The following KAZN variants were observed in gnomAD, a reference collection of about 807,000 sequenced individuals.
KAZN encodes kazrin, periplakin interacting protein, also known as kazrin.
Under a neutral mutation model 87.4 loss-of-function variants are expected in KAZN, and 40 were observed. That is an observed-to-expected ratio of 0.46 (90% CI 0.36 to 0.60). The LOEUF is 0.60. KAZN is among the 20% of genes least tolerant of loss of function. KAZN has a pLI of 0.00. For synonymous variants in KAZN, 466 were observed against 458.3 expected (o/e 1.02, Z -0.22); for missense variants, 898 against 1,073.9 (o/e 0.84, Z 2.29).
At chr1:14,215,472 CTG>C (rs749168287) in intron 2 of KAZN, among the ~76,000 whole-genome samples, 1 of 152,190 alleles carries the variant, frequency 6.6e-6, no homozygotes, top group Non-Finnish European at 1.5e-5. Context: ...ATCCTAACAA[CTG>C]GGGATTCAAA....
chr1:14,946,282 C>T (rs577330476), intron 1 of KAZN: 7 of 151,398 alleles, frequency 4.6e-5, no homozygotes, highest in African/African-American at 1.7e-4. Flanking sequence ...TTGCCATTTG[C>T]TCAGACCCCA....
chr1:14,684,684 G>C (rs1316774103), intron 1 of KAZN, among the ~76,000 whole-genome samples: 2 of 152,090 alleles, frequency 1.3e-5, no homozygotes, highest in African/African-American at 4.8e-5. Flanking sequence ...TATCTTCAAA[G>C]CCAACAGTGT....
chr1:14,775,705 A>C (rs1267037713), intron 1 of KAZN, among the ~76,000 whole-genome samples: 3 of 152,248 alleles, frequency 2.0e-5, no homozygotes, highest in African/African-American at 7.2e-5. Flanking sequence ...CTACCGATTT[A>C]GCCTTAGGCT....
intron 2 of KAZN, among the ~76,000 whole-genome samples, chr1:14,431,973 C>T (rs564790595): frequency 3.3e-5 from 5 of 152,254 alleles, no homozygotes; most frequent in African/African-American, 1.2e-4. Context: ...TCATATGTAC[C>T]TGTGTCCTGT....
chr1:14,485,045 G>A (rs1669275296), intron 2 of KAZN, among the ~76,000 whole-genome samples: 2 of 152,148 alleles, frequency 1.3e-5, no homozygotes, highest in Non-Finnish European at 2.9e-5. Context: ...TTTAGATTCA[G>A]GGGAAAATGA....
intron 1 of KAZN, among the ~76,000 whole-genome samples, chr1:14,662,889 ATAT>A (rs1255733008): frequency 2.7e-5 from 4 of 147,670 alleles, no homozygotes; most frequent in African/African-American, 9.9e-5. Context: ...ATATATGTAT[ATAT>A]TATATATGTA....
At chr1:14,924,582 C>T in intron 1 of KAZN, 1 of 1,006,606 alleles carries the variant, frequency 9.9e-7, no homozygotes, top group Non-Finnish European at 1.2e-6. Context: ...GGTAGGTGCG[C>T]GCGGGGCGGG....
chr1:14,395,253 T>G (rs1662798098), intron 2 of KAZN, among the ~76,000 whole-genome samples: 1 of 152,170 alleles, frequency 6.6e-6, no homozygotes, highest in Non-Finnish European at 1.5e-5. Context: ...TCACCTCGAA[T>G]GAAACAAGAA....
intron 1 of KAZN, among the ~76,000 whole-genome samples, chr1:14,012,445 G>A (rs994455027): frequency 6.6e-6 from 1 of 152,132 alleles, no homozygotes; most frequent in Non-Finnish European, 1.5e-5. Context: ...ATGAAAATGG[G>A]CTGAAAAAAT....
chr1:14,026,886 A>G (rs977128980), intron 1 of KAZN, among the ~76,000 whole-genome samples: 2 of 152,174 alleles, frequency 1.3e-5, no homozygotes, highest in African/African-American at 4.8e-5. Flanking sequence ...GTGGGGGATC[A>G]TGGAGGAACA....
chr1:14,654,005 G>A (rs1309362155), intron 1 of KAZN, among the ~76,000 whole-genome samples: 2 of 152,262 alleles, frequency 1.3e-5, no homozygotes, highest in Non-Finnish European at 2.9e-5. Context: ...ATATCTCCAG[G>A]CCAGGCACGA....
At chr1:14,641,774 C>T (rs1030501286) in intron 1 of KAZN, among the ~76,000 whole-genome samples, 2 of 152,162 alleles carry the variant, frequency 1.3e-5, no homozygotes, top group Admixed American at 6.5e-5. Context: ...CACTTGGACA[C>T]GACACCAAAA....
chr1:14,946,487 G>A (rs1041129501), intron 1 of KAZN, among the ~76,000 whole-genome samples: 4 of 151,978 alleles, frequency 2.6e-5, no homozygotes, highest in African/African-American at 4.8e-5. Flanking sequence ...ACAGGCGCCT[G>A]CCACCACGCT....
intron 1 of KAZN, among the ~76,000 whole-genome samples, chr1:14,887,043 G>A (rs573857842): frequency 6.6e-5 from 10 of 152,252 alleles, no homozygotes; most frequent in Middle Eastern, 3.4e-3. Context: ...GTGTGGTTGT[G>A]AGGATTAAAT....
At chr1:14,363,297 C>G (rs1034482914) in intron 2 of KAZN, among the ~76,000 whole-genome samples, 1 of 152,128 alleles carries the variant, frequency 6.6e-6, no homozygotes, top group East Asian at 1.9e-4. Flanking sequence ...TAAACATCTC[C>G]GTCTCCCACC....
intron 1 of KAZN, among the ~76,000 whole-genome samples, chr1:14,609,146 T>G (rs1677609022): frequency 6.6e-6 from 1 of 152,230 alleles, no homozygotes; most frequent in East Asian, 1.9e-4. Context: ...TCAACTGGAT[T>G]GCTTTTCCTA....
At chr1:14,543,709 G>A (rs183755572) in intron 2 of KAZN, among the ~76,000 whole-genome samples, 2 of 152,158 alleles carry the variant, frequency 1.3e-5, no homozygotes, top group East Asian at 3.9e-4. Flanking sequence ...ATCCTAATGT[G>A]AGAACCATCC....
In KAZN at chr1:14,043,962, T is replaced by G. The variant is rs541583565; in HGVS notation, c.92-136473T>G. 2.6e-4 allele frequency among the ~76,000 whole-genome samples: 39 copies of G among 152,282 alleles called. No individual in the cohort carries two copies. The South Asian group carries it at 7.9e-3, about 31-fold the overall frequency. On this transcript the variant is annotated intron_variant, in intron 1 of 16. Coordinates refer to the KAZN transcript ENST00000636203. The stretch of plus-strand genomic sequence containing the variant: ...AGCTTGGACAGTTCTGTGGGTTGAC[T>G]GGGCTCAGCTGGGCCATTCTCCCTT...
intron 11 of KAZN, among the ~76,000 whole-genome samples, 151 bp downstream of exon 11, chr1:15,101,925 GTCCA>G (rs200236831): frequency 0.028 from 4,210 of 152,048 alleles, 85 homozygotes; most frequent in Non-Finnish European, 0.045. Context: ...TTGATCATCC[GTCCA>G]TCCATCTACC....
Sources: allele counts gnomAD v4.1 joint callset (sites outside exome capture counted in the v4.1 genomes callset), GRCh38; gene constraint gnomAD v4.1.1; transcripts MANE v1.5; gene names NCBI Gene and HGNC (gene_info 2026-07-23, HGNC 2026-07-21).